The following RBPMS variants were observed in gnomAD, a reference collection of about 807,000 sequenced individuals.
The protein encoded by RBPMS is RNA-binding protein with multiple splicing.
In RBPMS, 7 loss-of-function variants were observed where a neutral mutation model predicts 26.8. That is an observed-to-expected ratio of 0.26 (90% confidence interval 0.15 to 0.49). RBPMS has a LOEUF of 0.49. Among genes scored for constraint, RBPMS ranks in the 20% least tolerant of loss-of-function variants. The pLI is 0.98. For missense variants in RBPMS, 186 were observed against 250.0 expected (o/e 0.74, Z 1.73); for synonymous variants, 96 against 93.3 (o/e 1.03, Z -0.17).
At chr8:30,487,158 T>C (rs1818877414) in intron 4 of RBPMS, among the ~76,000 whole-genome samples, 1 of 152,228 alleles carries the variant, frequency 6.6e-6, no homozygotes, top group Admixed American at 6.5e-5. Context: ...CTTAATGTCT[T>C]GACTGTCTTG....
chr8:30,385,289 G>T (rs1024274962), intron 1 of RBPMS, 131 bp downstream of exon 1: 32 of 564,190 alleles, frequency 5.7e-5, no homozygotes, highest in Non-Finnish European at 8.2e-5. Flanking sequence ...CAGCCCCACA[G>T]TGTGGCCCGG....
rs888183350 is a variant in RBPMS at position 30,384,829 on chromosome 8, G to A, written c.-264G>A. ...CGCCCTCCCGGGGCCCGATTGTCTC[G>A]GTGCCCCGCTCCCGGCCCGCGCCCT... is the stretch of plus-strand genomic sequence containing the variant. On this transcript the variant is annotated 5_prime_UTR_variant, in exon 1 of 9. Transcript: ENST00000397323. This position sits in a 1 kb window ranked among gnomAD's most constrained non-coding sequence, Gnocchi z 5.6. 5.6e-5 allele frequency: 17 copies of A among 305,180 alleles called. No individual in the cohort carries two copies. Among genetic ancestry groups the A allele is most frequent in the Middle Eastern group, 9.3e-4 (1 of 1,074 alleles). 18.9% of individuals were successfully genotyped at this position (305,180 alleles called of 1,614,324 possible).
intron 4 of RBPMS, among the ~76,000 whole-genome samples, chr8:30,486,288 C>T (rs1818756291): frequency 6.6e-6 from 1 of 151,488 alleles, no homozygotes; most frequent in Non-Finnish European, 1.5e-5. Flanking sequence ...TGCAGTGAGC[C>T]AAGATCGCAC....
intron 1 of RBPMS, among the ~76,000 whole-genome samples, chr8:30,463,282 T>C (rs1816142872): frequency 6.6e-6 from 1 of 152,218 alleles, no homozygotes; most frequent in Admixed American, 6.5e-5. Flanking sequence ...TAACAGTTAT[T>C]TAGGAGCAGC....
chr8:30,514,986 T>C (rs1015686689), intron 5 of RBPMS, among the ~76,000 whole-genome samples: 10 of 152,144 alleles, frequency 6.6e-5, no homozygotes, highest in African/African-American at 2.4e-4. Context: ...TTTAAAAATC[T>C]TTTTTAGTTT....
intron 6 of RBPMS, chr8:30,556,415 G>A (rs1826921335): frequency 2.0e-6 from 2 of 985,874 alleles, no homozygotes; most frequent in Non-Finnish European, 2.4e-6. Context: ...GAGCTGGTCA[G>A]AGAGGCTGGG....
chr8:30,410,718 CTTTT>C (rs33979972), intron 1 of RBPMS, among the ~76,000 whole-genome samples: 5 of 131,914 alleles, frequency 3.8e-5, no homozygotes, highest in Admixed American at 7.6e-5. Context: ...TTCTTTTTTC[CTTTT>C]TTTTTTTTTT....
intron 7 of RBPMS, 65 bp downstream of exon 7, chr8:30,559,021 G>A (rs930828101): frequency 2.8e-5 from 37 of 1,310,864 alleles, no homozygotes; most frequent in South Asian, 1.4e-4. Context: ...TGGTGGGTGC[G>A]CCATGAACGC....
chr8:30,384,838 C>T lies in RBPMS; in HGVS notation c.-255C>T. 3.1e-6 allele frequency: 1 copy of T among 321,892 alleles called. No individual in the cohort carries two copies. Among genetic ancestry groups the T allele is most frequent in the South Asian group, 1.4e-4 (1 of 7,344 alleles). 19.9% of individuals were successfully genotyped at this position (321,892 alleles called of 1,614,324 possible). ...GGGGCCCGATTGTCTCGGTGCCCCG[C>T]TCCCGGCCCGCGCCCTGCCCCGTCT... On this transcript the variant is annotated 5_prime_UTR_variant, in exon 1 of 9. Transcript: ENST00000397323. This position sits in a 1 kb window ranked among gnomAD's most constrained non-coding sequence, Gnocchi z 5.6.
chr8:30,532,746 TC>T (rs953651625), intron 5 of RBPMS, among the ~76,000 whole-genome samples: 2 of 152,164 alleles, frequency 1.3e-5, no homozygotes, highest in African/African-American at 4.8e-5. Flanking sequence ...CTCCTCACCC[TC>T]CAAAGAGTTC....
intron 5 of RBPMS, among the ~76,000 whole-genome samples, chr8:30,538,657 C>T (rs1285112837): frequency 6.6e-6 from 1 of 152,156 alleles, no homozygotes; most frequent in East Asian, 1.9e-4. Flanking sequence ...TGTATTAGTT[C>T]CCTAGGGCTG....
intron 1 of RBPMS, among the ~76,000 whole-genome samples, chr8:30,457,675 T>C (rs1472126565): frequency 6.8e-6 from 1 of 147,660 alleles, no homozygotes; most frequent in African/African-American, 2.5e-5. Context: ...AACCTCTGCC[T>C]CCCGGGTTCA....
At chr8:30,462,024 G>A (rs1160340792) in intron 1 of RBPMS, among the ~76,000 whole-genome samples, 1 of 152,052 alleles carries the variant, frequency 6.6e-6, no homozygotes, top group Non-Finnish European at 1.5e-5. Flanking sequence ...TGTATTAGTA[G>A]TTTATTTATT....
rs998643479 is a variant in RBPMS at position 30,477,895 on chromosome 8, C to G, written c.183+58C>G. 15 of 1,173,526 alleles carry G rather than the reference C, an allele frequency of 1.3e-5. No homozygotes were observed. The African/African-American group carries it at 2.0e-4, about 16-fold the overall frequency. 72.7% of individuals were successfully genotyped at this position (1,173,526 alleles called of 1,614,324 possible). On this transcript the variant is annotated intron_variant, in intron 3 of 8. Transcript: ENST00000397323. ...TTTTTTACTTTCCTCAGGAATATTG[C>G]TGGGGCTTGACATTCTTTTTTTATT... is the stretch of plus-strand genomic sequence containing the variant.
intron 1 of RBPMS, among the ~76,000 whole-genome samples, chr8:30,411,664 GAAAAAA>G (rs796071124): frequency 3.5e-5 from 1 of 28,218 alleles, no homozygotes; most frequent in Non-Finnish European, 7.0e-5. Context: ...CCCTGTCTCA[GAAAAAA>G]AAAAAAAAAA....
intron 6 of RBPMS, 177 bp downstream of exon 6, chr8:30,544,801 G>T (rs772993045): frequency 6.4e-7 from 1 of 1,564,560 alleles, no homozygotes; most frequent in South Asian, 1.1e-5. Flanking sequence ...AGGATCGTCT[G>T]ACAGCAATGA....
chr8:30,568,596 C>T (rs191153531), intron 8 of RBPMS, among the ~76,000 whole-genome samples: 2 of 152,336 alleles, frequency 1.3e-5, no homozygotes, highest in Non-Finnish European at 2.9e-5. Flanking sequence ...CCTGTCTTGA[C>T]GTCCCATCAC....
At chr8:30,564,378 T>G (rs980839996) in intron 7 of RBPMS, 1 of 152,172 alleles carries the variant, frequency 6.6e-6, no homozygotes, top group African/African-American at 2.4e-5. Context: ...GTTTTCCCAG[T>G]GAGGAGACGC....
intron 4 of RBPMS, among the ~76,000 whole-genome samples, chr8:30,493,603 C>T (rs1819626677): frequency 6.6e-6 from 1 of 151,908 alleles, no homozygotes. Context: ...TGCACTCTGG[C>T]CTATGTTTCT....
Sources: allele counts gnomAD v4.1 joint callset (sites outside exome capture counted in the v4.1 genomes callset), GRCh38; gene constraint gnomAD v4.1.1; non-coding constraint Gnocchi (gnomAD v3.1); transcripts MANE v1.5; gene names NCBI Gene and HGNC (gene_info 2026-07-23, HGNC 2026-07-21).